Variants in ZNF385D observed in about 807,000 individuals in gnomAD.
ZNF385D encodes the protein zinc finger protein 659.
ZNF385D carries 15 observed loss-of-function variants against 35.8 expected under a neutral mutation model. That is an observed-to-expected ratio of 0.42 (90% confidence interval 0.28 to 0.64). The LOEUF (loss-of-function observed/expected upper bound fraction) is 0.64, where lower values mean the gene tolerates loss of function less well. ZNF385D is among the 30% of genes least tolerant of loss of function. The pLI, the probability that ZNF385D is intolerant of heterozygous loss-of-function variation, is 0.23. For synonymous variants in ZNF385D, 212 were observed against 186.8 expected, an observed-to-expected ratio of 1.13 and a Z score of -1.10; for missense variants, 474 against 494.6, an observed-to-expected ratio of 0.96 and a Z score of 0.39.
At chr3:22,299,955 A>G (rs1025457651) in intron 2 of ZNF385D, among the ~76,000 whole-genome samples, 3 of 152,132 alleles carry the variant, frequency 2.0e-5, no homozygotes, top group Admixed American at 2.0e-4. Flanking sequence ...CAGAAATAAA[A>G]TATCTAAAAT....
At position 21,995,022 on chromosome 3, in the gene ZNF385D, C is replaced by T. The variant is rs113746134; in HGVS notation, c.325+173795G>A. On this transcript the variant is annotated intron_variant, in intron 3 of 5. Transcript: ENST00000494108. Reference sequence around the variant, plus strand: ...CCAGGTAGGCCAATCCTCTTGCCTCCAGGCAACTTTCTTGGTGCCAGCAGT... The same window carrying T: ...CCAGGTAGGCCAATCCTCTTGCCTCTAGGCAACTTTCTTGGTGCCAGCAGT... Among the ~76,000 whole-genome samples, 234 of 152,352 alleles carry T rather than the reference C, an allele frequency of 1.5e-3. 2 individuals carry two copies. Among genetic ancestry groups the T allele is most frequent in the African/African-American group, 4.0e-3 (168 of 41,588 alleles).
intron 2 of ZNF385D, among the ~76,000 whole-genome samples, chr3:22,331,820 T>C (rs548562987): frequency 2.6e-5 from 4 of 152,322 alleles, no homozygotes; most frequent in South Asian, 4.1e-4. Flanking sequence ...GACATAATAA[T>C]TGAATTCGTA....
intron 2 of ZNF385D, among the ~76,000 whole-genome samples, chr3:22,363,547 T>C (rs1479337310): frequency 1.3e-5 from 2 of 152,180 alleles, no homozygotes; most frequent in Non-Finnish European, 2.9e-5. Context: ...CAATTCCTTC[T>C]TTATGAAGAC....
intron 3 of ZNF385D, among the ~76,000 whole-genome samples, chr3:21,531,677 AT>A: frequency 6.6e-6 from 1 of 152,216 alleles, no homozygotes; most frequent in Admixed American, 6.5e-5. Context: ...GTCCAACTTC[AT>A]GACATTCTGG....
In ZNF385D at chr3:21,955,945, G is replaced by A. The variant is rs149799360; in HGVS notation, c.325+212872C>T. On this transcript the variant is annotated intron_variant, in intron 3 of 5. Transcript: ENST00000494108. ...TCAGGTCTGAAATCCCAGCAATTTG[G>A]GAGGCCCAGGCATGTGGTTCACTTG... Among the ~76,000 whole-genome samples, 6 of 152,106 alleles carry A rather than the reference G, an allele frequency of 3.9e-5. No homozygotes were observed. In the East Asian group the frequency reaches 1.2e-3, roughly 29 times the overall value.
chr3:22,260,233 C>T (rs900565304), intron 2 of ZNF385D, among the ~76,000 whole-genome samples: 1 of 151,910 alleles, frequency 6.6e-6, no homozygotes, highest in Non-Finnish European at 1.5e-5. Flanking sequence ...CAAACTAACA[C>T]AGGAACAGAA....
intron 2 of ZNF385D, among the ~76,000 whole-genome samples, chr3:22,302,257 TC>T (rs1702941621): frequency 6.6e-6 from 1 of 152,056 alleles, no homozygotes; most frequent in Non-Finnish European, 1.5e-5. Context: ...GTCCTGGGAC[TC>T]CACATCTTCA....
At position 22,354,307 on chromosome 3, in the gene ZNF385D, T is replaced by C. The variant is rs142905900; in HGVS notation, c.106+18143A>G. On this transcript the variant is annotated intron_variant, in intron 2 of 5. Transcript: ENST00000494108. ...AGAAAACATCAGTACATATTTCAAG[T>C]AGATACAGTAAGGATTAGAGTTAAT... is the stretch of plus-strand genomic sequence containing the variant. Among the ~76,000 whole-genome samples, 23 of 152,220 alleles carry C rather than the reference T, an allele frequency of 1.5e-4. 1 individual carries two copies. Among genetic ancestry groups the C allele is most frequent in the Admixed American group, 1.5e-3 (23 of 15,276 alleles).
chr3:22,326,649 G>T (rs891287334), intron 2 of ZNF385D, among the ~76,000 whole-genome samples: 2 of 152,114 alleles, frequency 1.3e-5, no homozygotes, highest in East Asian at 1.9e-4. Flanking sequence ...AATATGACAG[G>T]TAACACTTAG....
At chr3:22,181,693 G>T (rs971840240) in intron 2 of ZNF385D, among the ~76,000 whole-genome samples, 16 of 119,106 alleles carry the variant, frequency 1.3e-4, no homozygotes, top group Non-Finnish European at 2.2e-4. Flanking sequence ...GTGAGACTCC[G>T]TCTCAAAAAA....
chr3:22,077,615 T>C (rs75540939), intron 3 of ZNF385D, among the ~76,000 whole-genome samples: 2,121 of 152,070 alleles, frequency 0.014, 47 homozygotes, highest in African/African-American at 0.048. Context: ...GATGAAAGAA[T>C]CAAATAAATA....
At chr3:21,679,618 C>T (rs1269415717) in intron 1 of ZNF385D, among the ~76,000 whole-genome samples, 1 of 151,972 alleles carries the variant, frequency 6.6e-6, no homozygotes, top group East Asian at 1.9e-4. Context: ...TATTAGGTAC[C>T]TGTTTTCAAT....
At chr3:21,611,333 T>A (rs2064670871) in intron 2 of ZNF385D, among the ~76,000 whole-genome samples, 1 of 144,166 alleles carries the variant, frequency 6.9e-6, no homozygotes, top group African/African-American at 3.0e-5. Context: ...GAAGTTCAGG[T>A]TGCAGAGCTG....
chr3:21,529,531 C>T (rs2061871532), intron 3 of ZNF385D, among the ~76,000 whole-genome samples: 1 of 152,020 alleles, frequency 6.6e-6, no homozygotes, highest in Non-Finnish European at 1.5e-5. Flanking sequence ...TCAGGAGACC[C>T]AAAGATGATC....
At chr3:21,972,216 A>C (rs1251134134) in intron 3 of ZNF385D, among the ~76,000 whole-genome samples, 2 of 152,050 alleles carry the variant, frequency 1.3e-5, no homozygotes, top group Non-Finnish European at 1.5e-5. Flanking sequence ...AAAAGTCTTA[A>C]AAATTTCAAA....
rs916682492 is a variant in ZNF385D at position 22,324,159 on chromosome 3, T to C, written c.106+48291A>G. 2.0e-5 allele frequency among the ~76,000 whole-genome samples: 3 copies of C among 152,226 alleles called. No homozygotes were observed. The East Asian group carries it at 5.8e-4, about 29-fold the overall frequency. On this transcript the variant is annotated intron_variant, in intron 2 of 5. Coordinates refer to the ZNF385D transcript ENST00000494108. ...ACATGGTAAGGAACTTCTAGAGAAATTCAAGAATTAACTTGGAAGTGAAAT... is the reference window on the plus strand; with the variant it reads ...ACATGGTAAGGAACTTCTAGAGAAACTCAAGAATTAACTTGGAAGTGAAAT...
chr3:22,114,803 G>A lies in ZNF385D; in HGVS notation c.325+54014C>T, dbSNP rs191225339. 7.2e-5 allele frequency among the ~76,000 whole-genome samples: 11 copies of A among 152,116 alleles called. No homozygotes were observed. In the East Asian group the frequency reaches 2.1e-3, roughly 29 times the overall value. On this transcript the variant is annotated intron_variant, in intron 3 of 5. Coordinates refer to the ZNF385D transcript ENST00000494108. ...ATCTCCAATTCAGTAATATTAAGAG[G>A]TTGGGCCTTTAGGAGGTGACTAGAT... is the stretch of plus-strand genomic sequence containing the variant.
At chr3:21,488,306 G>T (rs13082898) in intron 4 of ZNF385D, among the ~76,000 whole-genome samples, 1 of 150,104 alleles carries the variant, frequency 6.7e-6, no homozygotes, top group Non-Finnish European at 1.5e-5. Context: ...AGCATGCCAG[G>T]GTTTTAAATT....
At chr3:22,064,056 C>A (rs903193059) in intron 3 of ZNF385D, among the ~76,000 whole-genome samples, 2 of 152,188 alleles carry the variant, frequency 1.3e-5, no homozygotes, top group Non-Finnish European at 2.9e-5. Context: ...TATTGTAGTG[C>A]ACCTCATGCT....
Sources: allele counts gnomAD v4.1 joint callset (sites outside exome capture counted in the v4.1 genomes callset), GRCh38; gene constraint gnomAD v4.1.1; transcripts MANE v1.5; gene names NCBI Gene and HGNC (gene_info 2026-07-23, HGNC 2026-07-21).